The following GPHN variants were observed in gnomAD, a reference collection of about 807,000 sequenced individuals.
GPHN encodes the protein gephyrin.
GPHN carries 17 observed loss-of-function variants against 95.5 expected under a neutral mutation model. The ratio of observed to expected loss-of-function variants is 0.18; its 90% CI spans 0.12 to 0.27. The LOEUF (loss-of-function observed/expected upper bound fraction) is 0.27, where lower values mean the gene tolerates loss of function less well. Among genes scored for constraint, GPHN ranks in the 10% least tolerant of loss-of-function variants. GPHN has a pLI of 1.00. For synonymous variants in GPHN, 320 were observed against 322.5 expected, an observed-to-expected ratio of 0.99 and a Z score of 0.08; for missense variants, 660 against 978.1, an observed-to-expected ratio of 0.67 and a Z score of 4.34.
At chr14:66,926,660 G>A (rs2066499768) in intron 8 of GPHN, among the ~76,000 whole-genome samples, 1 of 152,090 alleles carries the variant, frequency 6.6e-6, no homozygotes, top group African/African-American at 2.4e-5. Flanking sequence ...TAGCTCTGTA[G>A]TATAATTTGA....
chr14:67,424,364 T>C, the GPHN span, among the ~76,000 whole-genome samples: 2 of 151,826 alleles, frequency 1.3e-5, no homozygotes, highest in African/African-American at 4.8e-5. Context: ...AAGCCTACAG[T>C]CCTAGCACTC....
chr14:66,709,010 G>A (rs1366172142), intron 2 of GPHN, among the ~76,000 whole-genome samples: 1 of 151,960 alleles, frequency 6.6e-6, no homozygotes, highest in Non-Finnish European at 1.5e-5. Flanking sequence ...AGAAAAATGA[G>A]TAATTTAAAA....
At chr14:67,421,253 CA>C in the GPHN span, among the ~76,000 whole-genome samples, 1 of 152,160 alleles carries the variant, frequency 6.6e-6, no homozygotes, top group Non-Finnish European at 1.5e-5. Context: ...GAAGACTCAA[CA>C]AAGTTAACCA....
At chr14:66,740,594 C>T (rs1292409363) in intron 2 of GPHN, among the ~76,000 whole-genome samples, 1 of 149,362 alleles carries the variant, frequency 6.7e-6, no homozygotes, top group Non-Finnish European at 1.5e-5. Flanking sequence ...AAAAGTGGTA[C>T]TTAGTGATGT....
At position 66,993,420 on chromosome 14, in the gene GPHN, T is replaced by C. The variant is rs191845335; in HGVS notation, c.963+28095T>C. Reference sequence around the variant, plus strand: ...CTTAAATGTTATATAAAATATGTTATTAGAGTATTTTCATTTAACACATTG... The same window carrying C: ...CTTAAATGTTATATAAAATATGTTACTAGAGTATTTTCATTTAACACATTG... On this transcript the variant is annotated intron_variant, in intron 9 of 22. Coordinates refer to ENST00000478722, the MANE Select transcript of GPHN (RefSeq NM_020806.5). Among the ~76,000 whole-genome samples, 211 of 152,316 alleles carry C rather than the reference T, an allele frequency of 1.4e-3. 1 individual carries two copies. The highest frequency in any genetic ancestry group is 2.3e-3 in the Non-Finnish European group (159 of 68,018).
chr14:67,719,253 A>G, the GPHN span, among the ~76,000 whole-genome samples: 2 of 152,366 alleles, frequency 1.3e-5, no homozygotes, highest in East Asian at 1.9e-4. Flanking sequence ...AAAGAAAACA[A>G]TGTCCCTTTC....
chr14:67,392,483 A>C, the GPHN span: 96 of 1,391,960 alleles, frequency 6.9e-5, no homozygotes, highest in Non-Finnish European at 8.2e-5. Context: ...GGCCCAGGCT[A>C]TGGCGGCTGT....
At chr14:66,864,014 A>G (rs2063135474) in intron 4 of GPHN, among the ~76,000 whole-genome samples, 1 of 152,202 alleles carries the variant, frequency 6.6e-6, no homozygotes, top group Admixed American at 6.5e-5. Flanking sequence ...AACAATCAAC[A>G]AAATGAAGAG....
chr14:67,390,790 T>C, the GPHN span: 10 of 1,295,654 alleles, frequency 7.7e-6, no homozygotes, highest in East Asian at 2.1e-4. Context: ...GACAGCTGCA[T>C]GTCCCTCTCT....
At chr14:66,846,427 G>T (rs923073991) in intron 4 of GPHN, among the ~76,000 whole-genome samples, 3 of 152,120 alleles carry the variant, frequency 2.0e-5, no homozygotes, top group Admixed American at 6.5e-5. Context: ...CACATTCCAA[G>T]AGAGGGGAAA....
chr14:67,103,022 C>CTTGT (rs901710899), intron 13 of GPHN, among the ~76,000 whole-genome samples: 34 of 152,096 alleles, frequency 2.2e-4, no homozygotes, highest in Middle Eastern at 3.4e-3. Flanking sequence ...AATGACTTGT[C>CTTGT]TTGTTTGTTT....
chr14:66,644,878 A>G (rs1304082711), intron 1 of GPHN, among the ~76,000 whole-genome samples: 1 of 152,150 alleles, frequency 6.6e-6, no homozygotes. Context: ...AAATAGTAAT[A>G]ATTTTTAGGT....
At chr14:66,883,210 CT>C (rs2064016235) in intron 5 of GPHN, among the ~76,000 whole-genome samples, 1 of 151,638 alleles carries the variant, frequency 6.6e-6, no homozygotes, top group African/African-American at 2.4e-5. Context: ...TTTTTAAAAT[CT>C]TTTTTACTCT....
the GPHN span, among the ~76,000 whole-genome samples, chr14:67,313,852 A>G: frequency 6.6e-6 from 1 of 151,934 alleles, no homozygotes; most frequent in African/African-American, 2.4e-5. Flanking sequence ...TCTACTGTAT[A>G]TGCTCAGTTT....
At chr14:67,239,606 A>G in the GPHN span, among the ~76,000 whole-genome samples, 26 of 152,226 alleles carry the variant, frequency 1.7e-4, no homozygotes, top group Non-Finnish European at 3.1e-4. Flanking sequence ...CTGTAATCCT[A>G]GCACTTTGGA....
intron 8 of GPHN, among the ~76,000 whole-genome samples, chr14:66,927,769 T>A (rs906197510): frequency 6.6e-6 from 1 of 152,190 alleles, no homozygotes; most frequent in African/African-American, 2.4e-5. Context: ...TTTCGTCAAA[T>A]GCTTTTTCAG....
At chr14:67,598,835 G>A in the GPHN span, among the ~76,000 whole-genome samples, 635 of 150,972 alleles carry the variant, frequency 4.2e-3, 5 homozygotes, top group African/African-American at 0.015. Flanking sequence ...TGAGCCTTCC[G>A]AGTGGCTGAG....
At chr14:66,616,562 G>C (rs1340557610) in intron 1 of GPHN, among the ~76,000 whole-genome samples, 1 of 152,094 alleles carries the variant, frequency 6.6e-6, no homozygotes, top group East Asian at 1.9e-4. Context: ...CAAGGAGGCT[G>C]CAGAACAGCA....
the GPHN span, among the ~76,000 whole-genome samples, chr14:67,348,308 G>A: frequency 2.0e-5 from 3 of 151,870 alleles, no homozygotes; most frequent in Admixed American, 2.0e-4. Flanking sequence ...GACCTCAGGC[G>A]ATCCGCCCAC....
Sources: allele counts gnomAD v4.1 joint callset (sites outside exome capture counted in the v4.1 genomes callset), GRCh38; gene constraint gnomAD v4.1.1; transcripts MANE v1.5; gene names NCBI Gene and HGNC (gene_info 2026-07-23, HGNC 2026-07-21).